The following OLFM3 variants were observed in gnomAD, a reference collection of about 807,000 sequenced individuals.
OLFM3 encodes the protein noelin-3.
OLFM3 carries 20 observed loss-of-function variants against 48.6 expected under a neutral mutation model. The ratio of observed to expected loss-of-function variants is 0.41; its 90% CI spans 0.29 to 0.60. OLFM3 has a LOEUF of 0.60. Among genes scored for constraint, OLFM3 ranks in the 20% least tolerant of loss-of-function variants. OLFM3 has a pLI of 0.28. For missense variants in OLFM3, 437 were observed against 544.3 expected (o/e 0.80, Z 1.96); for synonymous variants, 222 against 198.1 (o/e 1.12, Z -1.01).
chr1:101,863,135 A>AT (rs988250199), intron 1 of OLFM3, among the ~76,000 whole-genome samples: 48 of 151,780 alleles, frequency 3.2e-4, no homozygotes, highest in African/African-American at 1.0e-3. Flanking sequence ...TAACTTTTGT[A>AT]TTTTTTAGTA....
intron 1 of OLFM3, among the ~76,000 whole-genome samples, chr1:101,863,228 C>A (rs542329731): frequency 5.9e-5 from 9 of 152,300 alleles, no homozygotes; most frequent in Non-Finnish European, 8.8e-5. Flanking sequence ...CCTGCCTTCC[C>A]CTCCCAAAGT....
intron 1 of OLFM3, among the ~76,000 whole-genome samples, chr1:101,973,542 G>C (rs1227595082): frequency 1.3e-5 from 2 of 152,158 alleles, no homozygotes; most frequent in South Asian, 4.1e-4. Context: ...GTATCTGTCT[G>C]TCCGGTCAAA....
intron 1 of OLFM3, among the ~76,000 whole-genome samples, chr1:101,921,200 T>TATACACACAC (rs1553179948): frequency 2.7e-5 from 4 of 148,162 alleles, no homozygotes; most frequent in African/African-American, 9.9e-5. Flanking sequence ...TTTAAGTTTA[T>TATACACACAC]ACACACACAC....
chr1:101,907,137 A>G (rs1352969437), intron 1 of OLFM3, among the ~76,000 whole-genome samples: 1 of 152,222 alleles, frequency 6.6e-6, no homozygotes, highest in African/African-American at 2.4e-5. Context: ...AATAGCAATG[A>G]AAGATTTTAG....
intron 1 of OLFM3, among the ~76,000 whole-genome samples, chr1:101,910,852 A>T (rs1658736973): frequency 6.6e-6 from 1 of 152,228 alleles, no homozygotes; most frequent in Admixed American, 6.5e-5. Context: ...TTTCCAGATT[A>T]CATAACAGCT....
intron 1 of OLFM3, among the ~76,000 whole-genome samples, chr1:101,861,277 G>A (rs1656644969): frequency 6.6e-6 from 1 of 150,852 alleles, no homozygotes; most frequent in African/African-American, 2.5e-5. Context: ...AGCCAGGCTG[G>A]TATGGAACTC....
chr1:101,939,220 C>T lies in OLFM3; in HGVS notation c.69+57528G>A, dbSNP rs530377129. Among the ~76,000 whole-genome samples, 24 of 152,254 alleles carry T rather than the reference C, an allele frequency of 1.6e-4. No homozygotes were observed. The South Asian group carries it at 2.9e-3, about 18-fold the overall frequency. ...AGTTTTATTCCCCAGAAACTAACGT[C>T]GCTTGCGTTTCTACTTGTTGTTTGC... is the stretch of plus-strand genomic sequence containing the variant. On this transcript the variant is annotated intron_variant, in intron 1 of 5. Transcript: ENST00000370103.
At chr1:101,944,223 C>A (rs7515634) in intron 1 of OLFM3, among the ~76,000 whole-genome samples, 14 of 151,800 alleles carry the variant, frequency 9.2e-5, no homozygotes, top group Non-Finnish European at 1.6e-4. Context: ...AGGAAAGTAA[C>A]CTCTGAAAAT....
intron 1 of OLFM3, among the ~76,000 whole-genome samples, chr1:101,950,648 G>T (rs972645878): frequency 6.6e-6 from 1 of 151,868 alleles, no homozygotes; most frequent in Non-Finnish European, 1.5e-5. Context: ...GTTTCACCGT[G>T]TTAGCCAGGA....
At chr1:101,840,113 A>G (rs1655639379) in intron 1 of OLFM3, among the ~76,000 whole-genome samples, 1 of 152,106 alleles carries the variant, frequency 6.6e-6, no homozygotes, top group Non-Finnish European at 1.5e-5. Context: ...AATCAAACCA[A>G]CTAAGATCTC....
intron 1 of OLFM3, among the ~76,000 whole-genome samples, chr1:101,840,994 A>G (rs990638438): frequency 5.9e-5 from 9 of 152,244 alleles, no homozygotes; most frequent in Admixed American, 2.6e-4. Context: ...CTCATAAAAT[A>G]TTTAAGAATG....
chr1:101,926,162 A>T (rs745910758), intron 1 of OLFM3, among the ~76,000 whole-genome samples: 1 of 152,194 alleles, frequency 6.6e-6, no homozygotes, highest in African/African-American at 2.4e-5. Flanking sequence ...GATCATTAAA[A>T]TATTAGAATT....
chr1:101,994,172 T>G (rs1169817331), intron 1 of OLFM3, among the ~76,000 whole-genome samples: 2 of 151,328 alleles, frequency 1.3e-5, no homozygotes, highest in Non-Finnish European at 3.0e-5. Flanking sequence ...ATTTTGCCAG[T>G]TTCTGTTTAT....
intron 4 of OLFM3, among the ~76,000 whole-genome samples, chr1:101,817,905 C>A (rs1294891042): frequency 6.6e-6 from 1 of 151,872 alleles, no homozygotes; most frequent in Non-Finnish European, 1.5e-5. Context: ...ATTTGCATGT[C>A]TAGCCTTATG....
At chr1:101,906,683 G>A (rs918769136) in intron 1 of OLFM3, among the ~76,000 whole-genome samples, 46 of 152,078 alleles carry the variant, frequency 3.0e-4, no homozygotes, top group African/African-American at 9.7e-4. Context: ...CCTAAGCAAC[G>A]GCAGTCTGTA....
chr1:101,970,081 TCTCAGCTCACTGCAACCTC>T (rs1190337998), intron 1 of OLFM3, among the ~76,000 whole-genome samples: 1 of 151,912 alleles, frequency 6.6e-6, no homozygotes, highest in East Asian at 1.9e-4. Flanking sequence ...AGTGGCTTGA[TCTCAGCTCACTGCAACCTC>T]CACCTTCTGG....
At chr1:101,887,755 A>G (rs992060465) in intron 1 of OLFM3, among the ~76,000 whole-genome samples, 4 of 152,050 alleles carry the variant, frequency 2.6e-5, no homozygotes, top group Non-Finnish European at 4.4e-5. Context: ...ATCTTTGTGT[A>G]TAAGTAATAT....
intron 1 of OLFM3, among the ~76,000 whole-genome samples, chr1:101,945,842 A>C (rs1659948183): frequency 7.0e-6 from 1 of 143,858 alleles, no homozygotes; most frequent in Non-Finnish European, 1.5e-5. Flanking sequence ...AAACAGAAAC[A>C]ACAAACACAA....
chr1:101,863,073 G>A (rs1214471394), intron 1 of OLFM3, among the ~76,000 whole-genome samples: 1 of 150,442 alleles, frequency 6.6e-6, no homozygotes, highest in African/African-American at 2.5e-5. Flanking sequence ...CAATTCTCAT[G>A]TATCAGCCTC....
Sources: gnomAD v4.1 joint callset for allele counts (sites outside exome capture counted in the v4.1 genomes callset) on GRCh38, gnomAD v4.1.1 for gene constraint, MANE v1.5 for transcripts, NCBI Gene and HGNC (gene_info 2026-07-23, HGNC 2026-07-21) for gene names.